DZIP1: variants seen among roughly 807,000 people sequenced by gnomAD.
DZIP1 encodes the protein cilium assembly protein DZIP1.
Under a neutral mutation model 107.6 loss-of-function variants are expected in DZIP1, and 97 were observed. That is an observed-to-expected ratio of 0.90 (90% CI 0.77 to 1.07). DZIP1 has a LOEUF of 1.07. Among genes scored for constraint, DZIP1 ranks in the 50% least tolerant of loss-of-function variants. The pLI, the probability that DZIP1 is intolerant of heterozygous loss-of-function variation, is 0.00. For missense variants in DZIP1, 1,035 were observed against 1,063.6 expected, an observed-to-expected ratio of 0.97 and a Z score of 0.37; for synonymous variants, 390 against 386.4, an observed-to-expected ratio of 1.01 and a Z score of -0.11.
At chr13:95,586,897 G>T (rs2044174710) in intron 20 of DZIP1, among the ~76,000 whole-genome samples, 1 of 152,090 alleles carries the variant, frequency 6.6e-6, no homozygotes, top group African/African-American at 2.4e-5. Flanking sequence ...TATTACTCCA[G>T]CTCCAAGAGG....
Position 95,579,563 on chromosome 13 carries a change from A to G in DZIP1, c.*2671T>C, listed in dbSNP as rs2043985805. 1 of 152,222 alleles carries G rather than the reference A, an allele frequency of 6.6e-6. No individual in the cohort carries two copies. Among genetic ancestry groups the G allele is most frequent in the Non-Finnish European group, 1.5e-5 (1 of 68,044 alleles). The allele number at this position is 152,222 out of a possible 1,614,324, so 9.4% of individuals were successfully genotyped here. ...GGGTAAAATATAGTTTCAAAGTATG[A>G]ATAAGAATTGGTATTTGTGTTATCT... On this transcript the variant is annotated 3_prime_UTR_variant, in exon 23 of 23. Coordinates refer to ENST00000376829, the MANE Select transcript of DZIP1 (RefSeq NM_198968.4).
At chr13:95,623,264 C>G (rs1044862763) in intron 8 of DZIP1, among the ~76,000 whole-genome samples, 8 of 152,072 alleles carry the variant, frequency 5.3e-5, no homozygotes, top group African/African-American at 1.9e-4. Context: ...CAGAAGGTAA[C>G]ACATTAACTT....
intron 9 of DZIP1, among the ~76,000 whole-genome samples, chr13:95,620,803 A>C (rs577401773): frequency 1.2e-4 from 18 of 152,352 alleles, no homozygotes; most frequent in Admixed American, 1.2e-3. Context: ...CTCACAGGAC[A>C]GAAACAGAAG....
Position 95,584,859 on chromosome 13 carries a change from T to C in DZIP1, c.2401A>G (p.Ile801Val), listed in dbSNP as rs201909805. ...TTCCCAGATTTTTTTCCCAAAGATA[T>C]CTCTTCCTCTAGGGATGATATGTCC... ...DWDISSLEEE[I>V]SLGKKSGKEQ... The change falls in exon 22 of 23, where the codon ATA becomes GTA. Residue 801 changes from isoleucine to valine, a missense_variant. Physicochemically the swap from Ile to Val is conservative, Grantham distance 29. Transcript: ENST00000376829. 1.1e-5 allele frequency: 17 copies of C among 1,613,936 alleles called. No individual in the cohort carries two copies. The highest frequency in any genetic ancestry group is 1.3e-5 in the African/African-American group (1 of 74,884).
intron 15 of DZIP1, 154 bp downstream of exon 15, chr13:95,599,210 GA>G (rs1401769329): frequency 1.6e-6 from 1 of 618,872 alleles, no homozygotes; most frequent in Admixed American, 2.9e-5. Context: ...AGGATAACAG[GA>G]TACTCTATGT....
chr13:95,638,636 AACACAC>A (rs3051404), intron 5 of DZIP1, among the ~76,000 whole-genome samples: 7 of 149,872 alleles, frequency 4.7e-5, no homozygotes, highest in South Asian at 2.1e-4. Context: ...CCTTATACAC[AACACAC>A]ACACACACAC....
rs147653120 is a variant in DZIP1 at position 95,584,766 on chromosome 13, C to T, written c.2494G>A (p.Ala832Thr). 161 of 1,613,766 alleles carry T rather than the reference C, an allele frequency of 1.0e-4. No individual in the cohort carries two copies. Among genetic ancestry groups the T allele is most frequent in the Non-Finnish European group, 1.2e-4 (145 of 1,179,822 alleles). The change falls in exon 22 of 23, where the codon GCA becomes ACA. Residue 832 changes from alanine to threonine, a missense_variant. By Grantham distance (58) the Ala-to-Thr change is moderately conservative. Transcript: ENST00000376829. ...CCCTTTGGCCCCTTAGGATTAAATG[C>T]GCCCCAGGCATTTAGCACATGAGCA... ...HFAHVLNAWG[A>T]FNPKGPKGEG... is the part of the protein sequence containing the mutation.
intron 13 of DZIP1, 101 bp from the exon 14 acceptor site, chr13:95,606,160 A>C: frequency 2.1e-6 from 2 of 959,492 alleles, no homozygotes; most frequent in Non-Finnish European, 3.3e-6. Flanking sequence ...GTCAAGATAC[A>C]TACAGACCAT....
chr13:95,614,129 A>G (rs928220630), intron 10 of DZIP1, among the ~76,000 whole-genome samples: 11 of 150,088 alleles, frequency 7.3e-5, no homozygotes, highest in African/African-American at 2.7e-4. Flanking sequence ...CTGTCTCAAA[A>G]AAAAAAAAAA....
rs146766735 is a variant in DZIP1 at position 95,624,664 on chromosome 13, G to A, written c.972+104C>T. On this transcript the variant is annotated intron_variant, in intron 8 of 22. Coordinates refer to ENST00000376829, the MANE Select transcript of DZIP1 (RefSeq NM_198968.4). ...CTCTCAGGGAGAAGAATGTCTGCAC[G>A]AGGGTAACATAAAGTAACTGCTGGA... 3.6e-3 allele frequency: 3,592 copies of A among 1,000,248 alleles called. 63 individuals carry two copies. The African/African-American group carries it at 0.049, about 14-fold the overall frequency. 62.0% of individuals were successfully genotyped at this position (1,000,248 alleles called of 1,614,324 possible).
intron 14 of DZIP1, among the ~76,000 whole-genome samples, chr13:95,602,075 G>A (rs1458675829): frequency 6.6e-6 from 1 of 152,092 alleles, no homozygotes; most frequent in Non-Finnish European, 1.5e-5. Flanking sequence ...CCCAGCCTCA[G>A]GAACACTCAG....
chr13:95,624,974 A>G, intron 7 of DZIP1, 45 bp from the exon 8 acceptor site: 2 of 1,488,934 alleles, frequency 1.3e-6, no homozygotes, highest in Non-Finnish European at 1.8e-6. Flanking sequence ...TGGTCTGAAG[A>G]AAATAAGCAA....
At chr13:95,598,983 G>T (rs2044537122) in intron 15 of DZIP1, among the ~76,000 whole-genome samples, 1 of 152,102 alleles carries the variant, frequency 6.6e-6, no homozygotes, top group Non-Finnish European at 1.5e-5. Flanking sequence ...ATTCATTTCA[G>T]ATTAAGGGTA....
intron 10 of DZIP1, among the ~76,000 whole-genome samples, chr13:95,612,748 C>T (rs747860127): frequency 6.6e-6 from 1 of 152,098 alleles, no homozygotes; most frequent in South Asian, 2.1e-4. Context: ...CCATACCTGG[C>T]TAAATTTTGT....
intron 18 of DZIP1, among the ~76,000 whole-genome samples, 185 bp from the exon 19 acceptor site, chr13:95,589,392 A>G (rs1299837578): frequency 5.3e-5 from 8 of 152,182 alleles, no homozygotes; most frequent in Admixed American, 5.2e-4. Context: ...GTTGGACCAA[A>G]CACTGTTATG....
chr13:95,622,340 T>C lies in DZIP1; in HGVS notation c.1110+3A>G. ...ACTGCAGCTGTCACCCACTTGCACG[T>C]ACCTGACTATCAAGAAGCTGCATGA... On this transcript the variant is annotated splice_donor_region_variant and intron_variant, in intron 9 of 22. Coordinates refer to ENST00000376829, the MANE Select transcript of DZIP1 (RefSeq NM_198968.4). 1 of 1,614,168 alleles carries C rather than the reference T, an allele frequency of 6.2e-7. No homozygotes were observed. The highest frequency in any genetic ancestry group is 1.1e-5 in the South Asian group (1 of 91,084).
chr13:95,630,165 G>A (rs1183975612), intron 6 of DZIP1, 52 bp from the exon 7 acceptor site: 1 of 1,574,088 alleles, frequency 6.4e-7, no homozygotes, highest in African/African-American at 1.4e-5. Flanking sequence ...AAATGTACCT[G>A]GAAACTTATG....
At position 95,581,486 on chromosome 13, in the gene DZIP1, TTAATAGTAACATGCTTACA is replaced by T. The variant is rs1285892610; in HGVS notation, c.*729_*747del. 1.2e-4 allele frequency: 18 copies of T among 152,298 alleles called. No homozygotes were observed. The highest frequency in any genetic ancestry group is 4.1e-4 in the African/African-American group (17 of 41,458). 9.4% of individuals were successfully genotyped at this position (152,298 alleles called of 1,614,324 possible). A position where few individuals can be genotyped will look rare whatever the true frequency, so the allele number is the denominator to read the frequency against. On this transcript the variant is annotated 3_prime_UTR_variant, in exon 23 of 23. Coordinates refer to ENST00000376829, the MANE Select transcript of DZIP1 (RefSeq NM_198968.4). The stretch of plus-strand genomic sequence containing the variant: ...TATGCTATATAAAATAACCAACCAT[TTAATAGTAACATGCTTACA>T]GTGGCTCAAAGCTGAATGTGACAAA...
intron 5 of DZIP1, among the ~76,000 whole-genome samples, chr13:95,640,533 T>C (rs1594748257): frequency 6.6e-6 from 1 of 152,254 alleles, no homozygotes; most frequent in African/African-American, 2.4e-5. Context: ...TCTCAATCAT[T>C]GTTTATACCT....
Sources: gnomAD v4.1 joint callset for allele counts (sites outside exome capture counted in the v4.1 genomes callset) on GRCh38, gnomAD v4.1.1 for gene constraint, MANE v1.5 for transcripts, NCBI Gene and HGNC (gene_info 2026-07-23, HGNC 2026-07-21) for gene names.